Variants in ADGRA3 observed in about 807,000 individuals in gnomAD.
ADGRA3 encodes adhesion G protein-coupled receptor A3, also known as G-protein coupled receptor 125.
ADGRA3 carries 56 observed loss-of-function variants against 119.8 expected under a neutral mutation model. That is an observed-to-expected ratio of 0.47 (90% CI 0.38 to 0.58). The LOEUF (loss-of-function observed/expected upper bound fraction) is 0.58, where lower values mean the gene tolerates loss of function less well. ADGRA3 is among the 20% of genes least tolerant of loss of function. ADGRA3 has a pLI of 0.00. For synonymous variants in ADGRA3, 607 were observed against 623.8 expected (o/e 0.97, Z 0.40); for missense variants, 1,516 against 1,649.0 (o/e 0.92, Z 1.40).
intron 1 of ADGRA3, among the ~76,000 whole-genome samples, chr4:22,512,863 C>G (rs907397005): frequency 6.6e-6 from 1 of 152,060 alleles, no homozygotes; most frequent in Non-Finnish European, 1.5e-5. Context: ...CACTAACACA[C>G]AGTCCAAACT....
intron 1 of ADGRA3, among the ~76,000 whole-genome samples, chr4:22,479,094 C>G (rs1215596108): frequency 6.6e-6 from 1 of 152,084 alleles, no homozygotes; most frequent in Admixed American, 6.5e-5. Flanking sequence ...AAAAGCTCAT[C>G]ATCAATGGTC....
intron 14 of ADGRA3, among the ~76,000 whole-genome samples, chr4:22,405,042 T>C (rs1284696819): frequency 6.6e-6 from 1 of 152,148 alleles, no homozygotes; most frequent in African/African-American, 2.4e-5. Context: ...CTTGAGGCAG[T>C]TACCTCACTG....
intron 9 of ADGRA3, among the ~76,000 whole-genome samples, chr4:22,435,949 A>T: frequency 6.6e-6 from 1 of 152,124 alleles, no homozygotes; most frequent in South Asian, 2.1e-4. Context: ...AGCACCTAAC[A>T]TTGCAAAAGG....
chr4:22,458,314 C>T (rs763272529), intron 3 of ADGRA3, among the ~76,000 whole-genome samples: 5 of 152,134 alleles, frequency 3.3e-5, no homozygotes, highest in Non-Finnish European at 5.9e-5. Context: ...CCCTCAACTC[C>T]CTAATGACCT....
chr4:22,463,023 C>G (rs1717527276), intron 2 of ADGRA3, among the ~76,000 whole-genome samples: 1 of 152,180 alleles, frequency 6.6e-6, no homozygotes, highest in Non-Finnish European at 1.5e-5. Context: ...ATGGGACACC[C>G]TCAGCTGGGT....
intron 12 of ADGRA3, among the ~76,000 whole-genome samples, chr4:22,417,436 C>CA (rs78080489): frequency 0.23 from 34,946 of 152,102 alleles, 5,360 homozygotes; most frequent in African/African-American, 0.43. Context: ...CTGTGCCAGG[C>CA]ACTGTGGTGA....
Position 22,413,374 on chromosome 4 carries a change from A to G in ADGRA3, c.2040T>C (p.Asp680=). Residue 680 remains aspartate, a synonymous_variant, in exon 14 of 19, where the codon GAT becomes GAC. Coordinates refer to ENST00000334304, the MANE Select transcript of ADGRA3 (RefSeq NM_145290.4). ...ILTKIDGVNV[D]THHIPVNVTL... is the part of the protein sequence containing the mutation. Reference sequence around the variant, plus strand: ...TCACATTAACAGGGATGTGGTGGGTATCTACATTCACACCATCTGGAGAAA... The same window carrying G: ...TCACATTAACAGGGATGTGGTGGGTGTCTACATTCACACCATCTGGAGAAA... 1 of 1,613,534 alleles carries G rather than the reference A, an allele frequency of 6.2e-7. No homozygotes were observed. Among genetic ancestry groups the G allele is most frequent in the South Asian group, 1.1e-5 (1 of 91,076 alleles).
intron 1 of ADGRA3, among the ~76,000 whole-genome samples, chr4:22,507,621 A>G (rs1719289518): frequency 6.6e-6 from 1 of 152,112 alleles, no homozygotes. Context: ...AAACCCACCA[A>G]CTTCTCCTGG....
intron 10 of ADGRA3, among the ~76,000 whole-genome samples, chr4:22,435,012 CTCTGCCTA>C (rs1716337841): frequency 6.6e-6 from 1 of 152,202 alleles, no homozygotes; most frequent in Non-Finnish European, 1.5e-5. Context: ...AGCTAAGCAG[CTCTGCCTA>C]AGCCACAACG....
chr4:22,393,931 A>G (rs977898833), intron 16 of ADGRA3: 7 of 152,188 alleles, frequency 4.6e-5, no homozygotes, highest in African/African-American at 9.7e-5. Context: ...TACAGTTTCT[A>G]TTTATCACAT....
At chr4:22,513,376 G>A (rs928849061) in intron 1 of ADGRA3, among the ~76,000 whole-genome samples, 1 of 151,748 alleles carries the variant, frequency 6.6e-6, no homozygotes, top group African/African-American at 2.4e-5. Flanking sequence ...GGCTGGTCTC[G>A]AACTCCTGAC....
At chr4:22,411,001 T>G (rs1162969984) in intron 14 of ADGRA3, among the ~76,000 whole-genome samples, 3 of 152,376 alleles carry the variant, frequency 2.0e-5, no homozygotes, top group Non-Finnish European at 4.4e-5. Context: ...AAAAGGATTA[T>G]ACTAATTTAA....
At chr4:22,415,576 A>G (rs1182683278) in intron 12 of ADGRA3, among the ~76,000 whole-genome samples, 1 of 152,202 alleles carries the variant, frequency 6.6e-6, no homozygotes, top group East Asian at 1.9e-4. Context: ...TTAAAAGTTC[A>G]AAATCGTGAT....
intron 2 of ADGRA3, among the ~76,000 whole-genome samples, chr4:22,464,767 G>T (rs549036164): frequency 6.6e-5 from 10 of 152,218 alleles, no homozygotes; most frequent in Non-Finnish European, 1.3e-4. Flanking sequence ...ATCCCAGGGG[G>T]CTGGGGGGTC....
At chr4:22,514,680 T>G (rs1719575297) in intron 1 of ADGRA3, 1 of 152,128 alleles carries the variant, frequency 6.6e-6, no homozygotes, top group Non-Finnish European at 1.5e-5. Flanking sequence ...CTCAAAACTT[T>G]CCAAACCAAT....
At chr4:22,489,685 A>C (rs1482451282) in intron 1 of ADGRA3, among the ~76,000 whole-genome samples, 1 of 152,184 alleles carries the variant, frequency 6.6e-6, no homozygotes, top group East Asian at 1.9e-4. Flanking sequence ...CCAAACAGAC[A>C]TGAAAACTTG....
chr4:22,468,423 T>C (rs950003652), intron 2 of ADGRA3, among the ~76,000 whole-genome samples: 1 of 152,132 alleles, frequency 6.6e-6, no homozygotes, highest in South Asian at 2.1e-4. Context: ...CACTAAATAC[T>C]GGTAACAAAA....
At chr4:22,440,690 T>C (rs1265453439) in intron 7 of ADGRA3, among the ~76,000 whole-genome samples, 2 of 152,102 alleles carry the variant, frequency 1.3e-5, no homozygotes, top group Admixed American at 6.6e-5. Context: ...TAATTTAGAG[T>C]TCTAAATTAA....
intron 1 of ADGRA3, among the ~76,000 whole-genome samples, chr4:22,500,183 A>ACTGTT (rs56937461): frequency 0.44 from 67,445 of 151,598 alleles, 16,073 homozygotes; most frequent in East Asian, 0.6. Flanking sequence ...TTCTGTAACA[A>ACTGTT]CTGTTCTACA....
Sources: gnomAD v4.1 joint callset for allele counts (sites outside exome capture counted in the v4.1 genomes callset) on GRCh38, gnomAD v4.1.1 for gene constraint, MANE v1.5 for transcripts, NCBI Gene and HGNC (gene_info 2026-07-23, HGNC 2026-07-21) for gene names.